RELCH: variants seen among roughly 807,000 people sequenced by gnomAD.
The protein encoded by RELCH is RAB11-binding protein RELCH.
A neutral mutation model predicts 150.3 loss-of-function variants in RELCH; 41 were observed. The ratio of observed to expected loss-of-function variants is 0.27; its 90% CI spans 0.21 to 0.35. RELCH has a LOEUF of 0.35. RELCH is among the 10% of genes least tolerant of loss of function. The pLI, the probability that RELCH is intolerant of heterozygous loss-of-function variation, is 1.00. For missense variants in RELCH, 1,092 were observed against 1,467.8 expected (o/e 0.74, Z 4.18); for synonymous variants, 478 against 531.8 (o/e 0.90, Z 1.39).
Position 62,232,409 on chromosome 18 carries a change from G to C in RELCH, c.1602G>C (p.Val534=), listed in dbSNP as rs2041638770. ...GRCLPHIVPN[V]LLAKREELIP... Reference sequence around the variant, plus strand: ...GCCTGCCACACATTGTTCCCAATGTGCTATTGGCAAAGAGAGAGGTAAGAC... The same window carrying C: ...GCCTGCCACACATTGTTCCCAATGTCCTATTGGCAAAGAGAGAGGTAAGAC... Residue 534 remains valine, a synonymous_variant, in exon 10 of 29, where the codon GTG becomes GTC. Coordinates refer to ENST00000644646, the MANE Select transcript of RELCH (RefSeq NM_001346231.2). 1 of 1,608,268 alleles carries C rather than the reference G, an allele frequency of 6.2e-7. No individual in the cohort carries two copies. The highest frequency in any genetic ancestry group is 2.2e-5 in the East Asian group (1 of 44,786).
At chr18:62,267,648 G>A (rs1474239498) in intron 19 of RELCH, among the ~76,000 whole-genome samples, 1 of 151,646 alleles carries the variant, frequency 6.6e-6, no homozygotes, top group Non-Finnish European at 1.5e-5. Flanking sequence ...AGACATTGAA[G>A]AGATTTGGGG....
chr18:62,227,814 G>A, intron 7 of RELCH, 125 bp downstream of exon 7: 1 of 493,460 alleles, frequency 2.0e-6, no homozygotes, highest in South Asian at 4.8e-5. Flanking sequence ...TAATACTTCT[G>A]AAAGAAAGTT....
chr18:62,272,062 C>T (rs1005881448), intron 20 of RELCH, among the ~76,000 whole-genome samples: 10 of 152,138 alleles, frequency 6.6e-5, no homozygotes, highest in African/African-American at 2.4e-4. Context: ...GAAGTTACAG[C>T]TCTGTTAAAG....
At chr18:62,213,312 T>G (rs1214826570) in intron 2 of RELCH, among the ~76,000 whole-genome samples, 1 of 152,190 alleles carries the variant, frequency 6.6e-6, no homozygotes, top group African/African-American at 2.4e-5. Flanking sequence ...TTTAATTTCC[T>G]TATTAAAACT....
intron 11 of RELCH, among the ~76,000 whole-genome samples, chr18:62,251,306 G>C (rs1459524225): frequency 6.6e-6 from 1 of 152,200 alleles, no homozygotes; most frequent in Non-Finnish European, 1.5e-5. Flanking sequence ...AGCTGGAGAA[G>C]GGTTTGCTTT....
At chr18:62,249,190 G>A (rs1338043937) in intron 11 of RELCH, among the ~76,000 whole-genome samples, 1 of 152,154 alleles carries the variant, frequency 6.6e-6, no homozygotes, top group African/African-American at 2.4e-5. Flanking sequence ...TTCTGAGAAT[G>A]TTGGAAAATC....
In RELCH at chr18:62,308,556, A is replaced by C. The variant is rs2045936949; in HGVS notation, c.*3022A>C. ...CCAACGTGGTGAAACCCCGCCTCTA[A>C]AAATACAAAAATTAGCCAGGCGTGG... On this transcript the variant is annotated 3_prime_UTR_variant, in exon 29 of 29. Transcript: ENST00000644646. The C allele has an allele frequency of 6.6e-6, 1 of 152,110 alleles. No individual in the cohort carries two copies. 9.4% of individuals were successfully genotyped at this position (152,110 alleles called of 1,614,324 possible).
intron 10 of RELCH, among the ~76,000 whole-genome samples, chr18:62,237,695 C>G (rs1221715962): frequency 1.3e-5 from 2 of 151,182 alleles, no homozygotes; most frequent in Non-Finnish European, 3.0e-5. Context: ...TAAAGACAAG[C>G]AATACCAAAC....
chr18:62,231,325 CTTTTT>C (rs1555726430), intron 9 of RELCH, 56 bp downstream of exon 9: 28 of 1,108,608 alleles, frequency 2.5e-5, no homozygotes, highest in Non-Finnish European at 3.8e-5. Context: ...TGTTTTTCTT[CTTTTT>C]AAGTTTCTCT....
In RELCH at chr18:62,258,794, A is replaced by C. The variant is rs2043112239; in HGVS notation, c.2202+118A>C. 3.2e-5 allele frequency: 19 copies of C among 595,950 alleles called. No individual in the cohort carries two copies. In the South Asian group the frequency reaches 4.7e-4, roughly 15 times the overall value. The allele number at this position is 595,950 out of a possible 1,614,324, so 36.9% of individuals were successfully genotyped here. On this transcript the variant is annotated intron_variant, in intron 15 of 28. Coordinates refer to ENST00000644646, the MANE Select transcript of RELCH (RefSeq NM_001346231.2). ...TGCCCTTAGCTTAACATACTAATAC[A>C]TTACCAGTTAAAGATGCTGTTGGAC...
chr18:62,280,528 T>C, intron 23 of RELCH, 118 bp from the exon 24 acceptor site: 1 of 1,372,396 alleles, frequency 7.3e-7, no homozygotes, highest in African/African-American at 1.4e-5. Context: ...ATTTATTTAA[T>C]TTGTCATTGC....
At chr18:62,193,701 C>T (rs1450891269) in intron 1 of RELCH, among the ~76,000 whole-genome samples, 2 of 152,156 alleles carry the variant, frequency 1.3e-5, no homozygotes, top group African/African-American at 4.8e-5. Flanking sequence ...TCTTGCAACT[C>T]AGGGATGAAG....
chr18:62,215,108 T>C (rs893002836), intron 2 of RELCH, among the ~76,000 whole-genome samples: 2 of 152,174 alleles, frequency 1.3e-5, no homozygotes, highest in African/African-American at 4.8e-5. Flanking sequence ...TTCCACTCTT[T>C]TAATTGTAAA....
intron 25 of RELCH, 87 bp from the exon 26 acceptor site, chr18:62,287,259 ATAAAT>A: frequency 3.0e-5 from 21 of 691,380 alleles, no homozygotes; most frequent in South Asian, 3.0e-4. Context: ...ATGAAATTTC[ATAAAT>A]TAAAGTGATA....
chr18:62,210,355 C>T (rs555849842), intron 1 of RELCH, among the ~76,000 whole-genome samples: 1 of 152,256 alleles, frequency 6.6e-6, no homozygotes, highest in African/African-American at 2.4e-5. Flanking sequence ...TATTGTTCCA[C>T]ATGTCCCTAA....
chr18:62,208,939 G>A (rs1405656523), intron 1 of RELCH, among the ~76,000 whole-genome samples: 4 of 152,158 alleles, frequency 2.6e-5, no homozygotes, highest in Admixed American at 1.3e-4. Flanking sequence ...GGCTCTAGGG[G>A]AAGCCTTTTC....
At chr18:62,297,380 A>G (rs1267094807) in intron 27 of RELCH, among the ~76,000 whole-genome samples, 1 of 152,186 alleles carries the variant, frequency 6.6e-6, no homozygotes, top group Non-Finnish European at 1.5e-5. Context: ...TCCCAAGATT[A>G]CCAGTCATTT....
At chr18:62,191,777 C>T (rs1291798033) in intron 1 of RELCH, among the ~76,000 whole-genome samples, 4 of 152,152 alleles carry the variant, frequency 2.6e-5, no homozygotes, top group Non-Finnish European at 5.9e-5. Context: ...ATCACATTTT[C>T]TTTATCCAGT....
intron 2 of RELCH, among the ~76,000 whole-genome samples, chr18:62,213,102 A>G (rs1276968997): frequency 6.6e-6 from 1 of 152,146 alleles, no homozygotes; most frequent in East Asian, 1.9e-4. Context: ...TACAATTCAA[A>G]TTTTAGGATG....
Sources: allele counts gnomAD v4.1 joint callset (sites outside exome capture counted in the v4.1 genomes callset), GRCh38; gene constraint gnomAD v4.1.1; transcripts MANE v1.5; gene names NCBI Gene and HGNC (gene_info 2026-07-23, HGNC 2026-07-21).